The following TYR variants were observed in gnomAD, a reference collection of about 807,000 sequenced individuals.
TYR encodes tyrosinase.
In TYR, 58 loss-of-function variants were observed where a neutral mutation model predicts 51.5. The observed-to-expected ratio is 1.13, with a 90% CI of 0.91 to 1.40. TYR has a LOEUF of 1.40. Among genes scored for constraint, TYR ranks in the 40% most tolerant of loss-of-function variants. The pLI is 0.00. For missense variants in TYR, 732 were observed against 647.4 expected (o/e 1.13, Z -1.42); for synonymous variants, 263 against 235.2 (o/e 1.12, Z -1.08).
chr11:89,188,686 T>G (rs983030251), intron 1 of TYR, among the ~76,000 whole-genome samples: 1 of 152,078 alleles, frequency 6.6e-6, no homozygotes, highest in African/African-American at 2.4e-5. Context: ...TGGGTAAGGC[T>G]GAATATGATG....
chr11:89,215,821 G>A (rs1211046817), intron 2 of TYR, among the ~76,000 whole-genome samples: 1 of 151,996 alleles, frequency 6.6e-6, no homozygotes, highest in East Asian at 1.9e-4. Flanking sequence ...AAAGACGCAA[G>A]ACCCTCCATA....
chr11:89,264,640 A>G (rs1944502755), intron 3 of TYR, among the ~76,000 whole-genome samples: 1 of 151,970 alleles, frequency 6.6e-6, no homozygotes, highest in African/African-American at 2.4e-5. Flanking sequence ...AGCACTATTC[A>G]CAATAGCAAA....
At chr11:89,201,063 AAT>A (rs1418083483) in intron 2 of TYR, among the ~76,000 whole-genome samples, 14 of 152,136 alleles carry the variant, frequency 9.2e-5, no homozygotes, top group Admixed American at 6.6e-5. Flanking sequence ...CAAATGTTAA[AAT>A]ATCTCATTAT....
intron 2 of TYR, among the ~76,000 whole-genome samples, chr11:89,225,218 G>A (rs533880215): frequency 1.3e-5 from 2 of 151,832 alleles, no homozygotes; most frequent in Non-Finnish European, 2.9e-5. Context: ...TGTATACATT[G>A]GGAAATGGCT....
intron 2 of TYR, among the ~76,000 whole-genome samples, chr11:89,196,535 T>A (rs896823965): frequency 6.6e-6 from 1 of 152,154 alleles, no homozygotes. Context: ...GACAGACTGA[T>A]AAATCAATAA....
At chr11:89,218,440 G>A (rs1943864086) in intron 2 of TYR, among the ~76,000 whole-genome samples, 2 of 151,984 alleles carry the variant, frequency 1.3e-5, no homozygotes, top group African/African-American at 4.8e-5. Flanking sequence ...ATTAAAAGAG[G>A]CAAATTTAAG....
At chr11:89,233,582 A>G (rs1944077006) in intron 3 of TYR, among the ~76,000 whole-genome samples, 1 of 141,490 alleles carries the variant, frequency 7.1e-6, no homozygotes, top group South Asian at 2.4e-4. Flanking sequence ...CTTAAATAAG[A>G]TTTGAAAGTC....
intron 2 of TYR, among the ~76,000 whole-genome samples, chr11:89,226,241 G>A (rs1418022820): frequency 2.0e-5 from 3 of 152,024 alleles, no homozygotes; most frequent in African/African-American, 7.2e-5. Flanking sequence ...ACTAAAACAG[G>A]CATCTGCTCT....
chr11:89,220,644 C>T (rs1943897515), intron 2 of TYR, among the ~76,000 whole-genome samples: 1 of 152,076 alleles, frequency 6.6e-6, no homozygotes, highest in South Asian at 2.1e-4. Context: ...ATCCCAGCTA[C>T]TCAGAACGCT....
At chr11:89,241,937 T>A (rs911052246) in intron 3 of TYR, among the ~76,000 whole-genome samples, 1 of 150,894 alleles carries the variant, frequency 6.6e-6, no homozygotes, top group African/African-American at 2.4e-5. Flanking sequence ...GAAAAAATAA[T>A]TCACTTTTCT....
chr11:89,218,436 AG>A (rs1943864059), intron 2 of TYR, among the ~76,000 whole-genome samples: 1 of 152,198 alleles, frequency 6.6e-6, no homozygotes, highest in Non-Finnish European at 1.5e-5. Context: ...AATGATTAAA[AG>A]AGGCAAATTT....
At chr11:89,243,192 T>G (rs540958629) in intron 3 of TYR, among the ~76,000 whole-genome samples, 9 of 152,328 alleles carry the variant, frequency 5.9e-5, no homozygotes, top group Admixed American at 2.6e-4. Context: ...CCCAATCAGT[T>G]GATATAAATG....
At chr11:89,274,943 C>T (rs1944635152) in intron 3 of TYR, among the ~76,000 whole-genome samples, 1 of 151,706 alleles carries the variant, frequency 6.6e-6, no homozygotes, top group Admixed American at 6.6e-5. Context: ...CTGTGGCCCT[C>T]CTCAGGAGGG....
chr11:89,280,181 T>C (rs1944704984), intron 3 of TYR, among the ~76,000 whole-genome samples: 1 of 151,654 alleles, frequency 6.6e-6, no homozygotes, highest in Admixed American at 6.6e-5. Flanking sequence ...ATCTTGTATA[T>C]TTCTTACCCC....
intron 2 of TYR, among the ~76,000 whole-genome samples, chr11:89,226,319 C>CATA (rs1943976257): frequency 6.6e-6 from 1 of 152,038 alleles, no homozygotes; most frequent in South Asian, 2.1e-4. Flanking sequence ...CCTTTCTTTC[C>CATA]ATTTCTATAA....
intron 4 of TYR, among the ~76,000 whole-genome samples, chr11:89,292,593 G>A (rs547714521): frequency 1.9e-3 from 292 of 152,102 alleles, no homozygotes; most frequent in Non-Finnish European, 3.5e-3. Flanking sequence ...TAAAACGATT[G>A]ACCACTATTC....
Position 89,178,577 on chromosome 11 carries a change from G to A in TYR, c.624G>A (p.Leu208=). The part of the protein sequence containing the change: ...IDFAHEAPAF[L]PWHRLFLLRW... ...TTGCCCATGAAGCACCAGCTTTTCT[G>A]CCTTGGCATAGACTCTTCTTGTTGC... The change falls in exon 1 of 5, where the codon CTG becomes CTA. Residue 208 remains leucine (L), a synonymous_variant. Coordinates refer to ENST00000263321, the MANE Select transcript of TYR (RefSeq NM_000372.5). 1.2e-6 allele frequency: 2 copies of A among 1,614,136 alleles called. No homozygotes were observed. Among genetic ancestry groups the A allele is most frequent in the Non-Finnish European group, 8.5e-7 (1 of 1,180,018 alleles).
At chr11:89,221,215 G>C (rs1480380467) in intron 2 of TYR, among the ~76,000 whole-genome samples, 1 of 152,178 alleles carries the variant, frequency 6.6e-6, no homozygotes, top group Non-Finnish European at 1.5e-5. Context: ...CAAGTTTACA[G>C]GTGATGCTGC....
intron 4 of TYR, among the ~76,000 whole-genome samples, chr11:89,291,138 A>G (rs943107544): frequency 2.0e-5 from 3 of 147,472 alleles, no homozygotes; most frequent in African/African-American, 7.4e-5. Context: ...GCTGCCATTC[A>G]GGGACATTCC....
Sources: gnomAD v4.1 joint callset for allele counts (sites outside exome capture counted in the v4.1 genomes callset) on GRCh38, gnomAD v4.1.1 for gene constraint, MANE v1.5 for transcripts, NCBI Gene and HGNC (gene_info 2026-07-23, HGNC 2026-07-21) for gene names.